Variants in CFAP300 observed in about 807,000 individuals in gnomAD.
CFAP300 encodes cilia- and flagella-associated protein 300.
CFAP300 carries 32 observed loss-of-function variants against 33.0 expected under a neutral mutation model. The observed-to-expected ratio is 0.97, with a 90% CI of 0.73 to 1.30. The LOEUF (loss-of-function observed/expected upper bound fraction) is 1.30. Among genes scored for constraint, CFAP300 ranks in the 50% most tolerant of loss-of-function variants. CFAP300 has a pLI of 0.00. For synonymous variants in CFAP300, 102 were observed against 106.8 expected (o/e 0.95, Z 0.28); for missense variants, 356 against 318.1 (o/e 1.12, Z -0.90).
chr11:102,078,961 C>T (rs149221622), intron 5 of CFAP300, among the ~76,000 whole-genome samples: 128 of 152,238 alleles, frequency 8.4e-4, no homozygotes, highest in African/African-American at 3.0e-3. Flanking sequence ...CTGCCCACCT[C>T]GGCTACCCAA....
intron 2 of CFAP300, among the ~76,000 whole-genome samples, chr11:102,051,390 C>T (rs996735113): frequency 6.6e-6 from 1 of 152,124 alleles, no homozygotes; most frequent in Admixed American, 6.6e-5. Context: ...TGGAAGCCTG[C>T]GCAACGCTTC....
intron 4 of CFAP300, among the ~76,000 whole-genome samples, chr11:102,070,268 A>C (rs527327973): frequency 4.1e-4 from 62 of 152,332 alleles, no homozygotes; most frequent in Non-Finnish European, 7.6e-4. Flanking sequence ...CTTGGTTTTC[A>C]TCAAGGCATT....
chr11:102,078,705 T>A (rs558365567), intron 5 of CFAP300, among the ~76,000 whole-genome samples: 1 of 152,182 alleles, frequency 6.6e-6, no homozygotes, highest in South Asian at 2.1e-4. Flanking sequence ...CTTGTTTTTG[T>A]TTTGTTTTTT....
intron 4 of CFAP300, among the ~76,000 whole-genome samples, chr11:102,075,177 G>T (rs1205540265): frequency 6.6e-6 from 1 of 152,134 alleles, no homozygotes; most frequent in Non-Finnish European, 1.5e-5. Context: ...ATCTTACATT[G>T]GTCACCTTTT....
intron 3 of CFAP300, among the ~76,000 whole-genome samples, chr11:102,063,899 G>C (rs530585073): frequency 6.6e-6 from 1 of 152,268 alleles, no homozygotes; most frequent in East Asian, 1.9e-4. Flanking sequence ...ATGAATTTGG[G>C]GTCCTAGTGG....
intron 5 of CFAP300, among the ~76,000 whole-genome samples, chr11:102,076,824 A>G (rs1942401820): frequency 6.6e-6 from 1 of 152,226 alleles, no homozygotes; most frequent in Admixed American, 6.5e-5. Context: ...CAAACTGCAT[A>G]ATTTAGTTAT....
intron 4 of CFAP300, among the ~76,000 whole-genome samples, chr11:102,073,029 G>A (rs1942336626): frequency 6.6e-6 from 1 of 152,192 alleles, no homozygotes; most frequent in Non-Finnish European, 1.5e-5. Context: ...GCTGGCCAAA[G>A]CACACCTGTC....
intron 3 of CFAP300, among the ~76,000 whole-genome samples, chr11:102,062,189 C>T (rs1942157985): frequency 6.6e-6 from 1 of 152,190 alleles, no homozygotes; most frequent in Non-Finnish European, 1.5e-5. Flanking sequence ...CCTTCACCAG[C>T]AACTGAATCA....
rs1354950064 is a variant in CFAP300 at position 102,047,839 on chromosome 11, G to T, written c.135G>T (p.Ala45=). 1.2e-6 allele frequency: 2 copies of T among 1,614,182 alleles called. No homozygotes were observed. Among genetic ancestry groups the T allele is most frequent in the East Asian group, 2.2e-5 (1 of 44,882 alleles). Residue 45 remains alanine (A), a synonymous_variant, in exon 2 of 7, where the codon GCG becomes GCT. Transcript: ENST00000434758. ...RQWSMLGRIK[A]QAFGFDQTFQ... ...GGTCCATGCTGGGCAGAATCAAGGC[G>T]CAGGCGTTCGGCTTTGACCAGACCT...
intron 2 of CFAP300, among the ~76,000 whole-genome samples, chr11:102,056,209 G>GT (rs1048991875): frequency 6.6e-6 from 1 of 152,068 alleles, no homozygotes; most frequent in Non-Finnish European, 1.5e-5. Flanking sequence ...TTATTCAACT[G>GT]TTTTTTTACT....
At chr11:102,082,419 A>C (rs1194880502) in intron 6 of CFAP300, among the ~76,000 whole-genome samples, 2 of 152,100 alleles carry the variant, frequency 1.3e-5, no homozygotes, top group East Asian at 3.8e-4. Flanking sequence ...CAAAGATAGA[A>C]AATTGCTAAA....
chr11:102,055,680 T>TC (rs1285427834), intron 2 of CFAP300, among the ~76,000 whole-genome samples: 1 of 147,374 alleles, frequency 6.8e-6, no homozygotes, highest in Non-Finnish European at 1.5e-5. Flanking sequence ...CCTTTTTTTT[T>TC]TTTTTTTTTT....
chr11:102,064,738 C>T (rs567704688), intron 3 of CFAP300, among the ~76,000 whole-genome samples: 49 of 152,306 alleles, frequency 3.2e-4, no homozygotes, highest in African/African-American at 1.1e-3. Flanking sequence ...AACAAAAGAA[C>T]ACCACCACTG....
intron 3 of CFAP300, among the ~76,000 whole-genome samples, chr11:102,061,569 C>G (rs1442982962): frequency 6.6e-6 from 1 of 152,132 alleles, no homozygotes; most frequent in Non-Finnish European, 1.5e-5. Context: ...ATGTGCTCAG[C>G]TAAGGGCATC....
At chr11:102,049,660 C>G (rs768450796) in intron 2 of CFAP300, among the ~76,000 whole-genome samples, 14 of 151,770 alleles carry the variant, frequency 9.2e-5, no homozygotes, top group Non-Finnish European at 1.6e-4. Flanking sequence ...TACTGGCTGT[C>G]TATAATTTTT....
chr11:102,065,556 C>T (rs867171863), intron 3 of CFAP300, among the ~76,000 whole-genome samples: 7 of 151,840 alleles, frequency 4.6e-5, no homozygotes, highest in African/African-American at 1.2e-4. Context: ...CACCTAAGGT[C>T]GAGAGTTCAA....
intron 4 of CFAP300, 51 bp downstream of exon 4, chr11:102,066,702 CA>C (rs748498130): frequency 1.3e-6 from 2 of 1,515,076 alleles, no homozygotes; most frequent in South Asian, 1.3e-5. Flanking sequence ...TCAGGAAATG[CA>C]AAAATGGCAA....
chr11:102,061,246 T>C (rs1033453304), intron 3 of CFAP300, among the ~76,000 whole-genome samples: 1 of 152,346 alleles, frequency 6.6e-6, no homozygotes, highest in Middle Eastern at 3.4e-3. Flanking sequence ...GTTAGTACTC[T>C]TCCACTAGCT....
At chr11:102,067,092 C>A (rs1942239945) in intron 4 of CFAP300, among the ~76,000 whole-genome samples, 1 of 152,206 alleles carries the variant, frequency 6.6e-6, no homozygotes, top group African/African-American at 2.4e-5. Context: ...GTAATTCCAG[C>A]ACTTTGGGAG....
Sources: gnomAD v4.1 joint callset for allele counts (sites outside exome capture counted in the v4.1 genomes callset) on GRCh38, gnomAD v4.1.1 for gene constraint, MANE v1.5 for transcripts, NCBI Gene and HGNC (gene_info 2026-07-23, HGNC 2026-07-21) for gene names.